ANKRD22: variants seen among roughly 807,000 people sequenced by gnomAD.
ANKRD22 encodes the protein ankyrin repeat domain-containing protein 22.
Under a neutral mutation model 25.7 loss-of-function variants are expected in ANKRD22, and 24 were observed. The observed-to-expected ratio is 0.93, with a 90% CI of 0.68 to 1.31. The LOEUF is 1.31. Ranked by LOEUF, ANKRD22 falls within the 50% of genes most tolerant of loss-of-function variation. ANKRD22 has a pLI of 0.00. For synonymous variants in ANKRD22, 84 were observed against 84.3 expected, an observed-to-expected ratio of 1.00 and a Z score of 0.02; for missense variants, 214 against 227.1, an observed-to-expected ratio of 0.94 and a Z score of 0.37.
At chr10:88,828,180 A>T (rs570687070) in intron 3 of ANKRD22, among the ~76,000 whole-genome samples, 1 of 152,334 alleles carries the variant, frequency 6.6e-6, no homozygotes. Flanking sequence ...AGTACTTAAA[A>T]ATCAGTAAGT....
At chr10:88,827,449 C>T (rs1456473196) in intron 3 of ANKRD22, among the ~76,000 whole-genome samples, 1 of 152,188 alleles carries the variant, frequency 6.6e-6, no homozygotes, top group African/African-American at 2.4e-5. Context: ...AATGAGCCTT[C>T]TAATCACAGT....
At chr10:88,833,547 A>G (rs186420580) in intron 1 of ANKRD22, among the ~76,000 whole-genome samples, 1 of 152,348 alleles carries the variant, frequency 6.6e-6, no homozygotes, top group Admixed American at 6.5e-5. Flanking sequence ...TCAAGGGGAA[A>G]GTCAAGTGGG....
At position 88,822,862 on chromosome 10, in the gene ANKRD22, C is replaced by T; in HGVS notation, c.*79G>A. On this transcript the variant is annotated 3_prime_UTR_variant, in exon 6 of 6. Transcript: ENST00000371930. ...AATGGTGGCATCCAGGTTAAATGGC[C>T]CACAGACCAAAAGTCTAAAATGAAG... The T allele has an allele frequency of 7.5e-7, 1 of 1,337,138 alleles. No individual in the cohort carries two copies. Among genetic ancestry groups the T allele is most frequent in the South Asian group, 1.3e-5 (1 of 79,346 alleles). The allele number at this position is 1,337,138 out of a possible 1,614,324, so 82.8% of individuals were successfully genotyped here. A position where few individuals can be genotyped will look rare whatever the true frequency, so the allele number is the denominator to read the frequency against.
At position 88,822,542 on chromosome 10, in the gene ANKRD22, GGC is replaced by G. The variant is rs1491291105; in HGVS notation, c.*397_*398del. The G allele has an allele frequency of 9.0e-5, 2 of 22,268 alleles. No individual in the cohort carries two copies. The highest frequency in any genetic ancestry group is 5.0e-4 in the Admixed American group (1 of 1,986). 1.4% of individuals were successfully genotyped at this position (22,268 alleles called of 1,614,324 possible). On this transcript the variant is annotated 3_prime_UTR_variant, in exon 6 of 6. Transcript: ENST00000371930. ...GGAAAGACTGAGTTTGGAACACCAGGGCTTTTTTTTTTTTTTTTTTTTTTGAG... is the reference window on the plus strand; with the variant it reads ...GGAAAGACTGAGTTTGGAACACCAGGTTTTTTTTTTTTTTTTTTTTTTGAG...
At chr10:88,828,718 T>A in intron 2 of ANKRD22, 52 bp from the exon 3 acceptor site, 1 of 1,342,044 alleles carries the variant, frequency 7.5e-7, no homozygotes, top group South Asian at 1.3e-5. Context: ...AATTCAAAAT[T>A]TATTCAGATG....
chr10:88,838,358 A>C (rs148658148), intron 1 of ANKRD22, among the ~76,000 whole-genome samples: 1 of 152,192 alleles, frequency 6.6e-6, no homozygotes, highest in African/African-American at 2.4e-5. Context: ...TTACCATTAA[A>C]TTCAGTCTTA....
intron 2 of ANKRD22, 120 bp downstream of exon 2, chr10:88,831,715 A>G (rs1394243937): frequency 2.0e-6 from 2 of 1,005,452 alleles, no homozygotes; most frequent in Non-Finnish European, 2.8e-6. Context: ...GTAGGCTAAG[A>G]TAATTGTTCG....
intron 1 of ANKRD22, among the ~76,000 whole-genome samples, chr10:88,843,171 G>A (rs188608103): frequency 9.2e-5 from 14 of 152,150 alleles, no homozygotes; most frequent in Admixed American, 2.6e-4. Flanking sequence ...TCTCTTGCCT[G>A]CCATCTACTT....
At chr10:88,846,125 T>G (rs1024997263) in intron 1 of ANKRD22, among the ~76,000 whole-genome samples, 1 of 152,144 alleles carries the variant, frequency 6.6e-6, no homozygotes, top group African/African-American at 2.4e-5. Flanking sequence ...TACTTTTTTT[T>G]GCGTATGTAT....
chr10:88,829,005 T>G (rs1273391299), intron 2 of ANKRD22, among the ~76,000 whole-genome samples: 1 of 152,230 alleles, frequency 6.6e-6, no homozygotes, highest in Non-Finnish European at 1.5e-5. Context: ...ACTATGAAAA[T>G]TGATAGTTAT....
intron 2 of ANKRD22, 95 bp from the exon 3 acceptor site, chr10:88,828,761 T>C: frequency 1.1e-6 from 1 of 884,094 alleles, no homozygotes. Flanking sequence ...GTGCTTTTTG[T>C]TTTTCCGGTA....
chr10:88,820,233 C>T lies in ANKRD22; in HGVS notation c.*2708G>A, dbSNP rs1458574194. ...TTAAGAACTATTCCTTTTCTCTAGCCAACTCCTGTAAGGTACAGAGTCAGA... is the reference window on the plus strand; with the variant it reads ...TTAAGAACTATTCCTTTTCTCTAGCTAACTCCTGTAAGGTACAGAGTCAGA... On this transcript the variant is annotated 3_prime_UTR_variant, in exon 6 of 6. Coordinates refer to ENST00000371930, the MANE Select transcript of ANKRD22 (RefSeq NM_144590.3). 1.3e-6 allele frequency: 2 copies of T among 1,547,996 alleles called. No individual in the cohort carries two copies. Among genetic ancestry groups the T allele is most frequent in the Non-Finnish European group, 1.7e-6 (2 of 1,145,636 alleles).
At chr10:88,832,701 AT>A (rs1433187792) in intron 1 of ANKRD22, among the ~76,000 whole-genome samples, 2 of 152,200 alleles carry the variant, frequency 1.3e-5, no homozygotes, top group African/African-American at 4.8e-5. Context: ...TACAAATTAT[AT>A]GGTTAACTAC....
chr10:88,835,393 G>T (rs951447756), intron 1 of ANKRD22, among the ~76,000 whole-genome samples: 2 of 152,102 alleles, frequency 1.3e-5, no homozygotes, highest in African/African-American at 4.8e-5. Context: ...ACAGGGATAC[G>T]TTCTGAGAAA....
chr10:88,849,029 G>GTGTGT (rs1564608765), intron 1 of ANKRD22, among the ~76,000 whole-genome samples: 11 of 113,952 alleles, frequency 9.7e-5, no homozygotes, highest in African/African-American at 3.4e-4. Context: ...TGTGTGTGTG[G>GTGTGT]GTGTGTGTGC....
rs1216693519 is a variant in ANKRD22, at chr10:88,821,834, A to T, written c.*1107T>A. On this transcript the variant is annotated 3_prime_UTR_variant, in exon 6 of 6. Transcript: ENST00000371930. Reference sequence around the variant, plus strand: ...ATTTTCAAAATTCAGTCATATTTTTAAAGTGAATTTATTTCTACTCTGTGT... The same window carrying T: ...ATTTTCAAAATTCAGTCATATTTTTTAAGTGAATTTATTTCTACTCTGTGT... 6.6e-6 allele frequency among the ~76,000 whole-genome samples: 1 copy of T among 152,214 alleles called. No individual in the cohort carries two copies. The highest frequency in any genetic ancestry group is 2.4e-5 in the African/African-American group (1 of 41,456).
Position 88,831,826 on chromosome 10 carries a change from TGACC to T in ANKRD22, c.213+5_213+8del. The T allele has an allele frequency of 6.3e-7, 1 of 1,598,460 alleles. No homozygotes were observed. Among genetic ancestry groups the T allele is most frequent in the East Asian group, 2.2e-5 (1 of 44,628 alleles). On this transcript the variant is annotated splice_donor_5th_base_variant and intron_variant, in intron 2 of 5. Coordinates refer to ENST00000371930, the MANE Select transcript of ANKRD22 (RefSeq NM_144590.3). ...ACAATTACACTCTCCATTCATGTCATGACCTCACCTGGTTTTTGAGGTTGACATT... is the reference window on the plus strand; with the variant it reads ...ACAATTACACTCTCCATTCATGTCATTCACCTGGTTTTTGAGGTTGACATT...
chr10:88,826,531 CCTCT>C (rs1467341315), intron 3 of ANKRD22, among the ~76,000 whole-genome samples: 1 of 152,180 alleles, frequency 6.6e-6, no homozygotes, highest in Non-Finnish European at 1.5e-5. Flanking sequence ...CCTGCCCTGG[CCTCT>C]CTCTCACTCT....
chr10:88,842,864 C>T lies in ANKRD22; in HGVS notation c.21+8723G>A, dbSNP rs151042380. ...ATAGACATAGTGTTATGAATTGTTA[C>T]TTGCCAATTCTTGCTTACAGGAAAT... On this transcript the variant is annotated intron_variant, in intron 1 of 5. Transcript: ENST00000371930. Among the ~76,000 whole-genome samples, 932 of 152,204 alleles carry T rather than the reference C, an allele frequency of 6.1e-3. 10 individuals carry two copies. The highest frequency in any genetic ancestry group is 0.021 in the African/African-American group (860 of 41,550).
Sources: allele counts gnomAD v4.1 joint callset (sites outside exome capture counted in the v4.1 genomes callset), GRCh38; gene constraint gnomAD v4.1.1; transcripts MANE v1.5; gene names NCBI Gene and HGNC (gene_info 2026-07-23, HGNC 2026-07-21).